The following HECTD4 variants were observed in gnomAD, a reference collection of about 807,000 sequenced individuals.
The protein encoded by HECTD4 is HECT domain E3 ubiquitin protein ligase 4.
A neutral mutation model predicts 471.5 loss-of-function variants in HECTD4; 114 were observed. That is an observed-to-expected ratio of 0.24 (90% confidence interval 0.21 to 0.28). HECTD4 has a LOEUF of 0.28. Ranked by LOEUF, HECTD4 falls within the 10% of genes least tolerant of loss-of-function variation. The pLI is 1.00. For missense variants in HECTD4, 3,866 were observed against 5,651.5 expected (o/e 0.68, Z 10.13); for synonymous variants, 2,012 against 2,256.0 (o/e 0.89, Z 3.07).
At chr12:112,268,712 C>T (rs960742728) in intron 13 of HECTD4, among the ~76,000 whole-genome samples, 1 of 150,556 alleles carries the variant, frequency 6.6e-6, no homozygotes, top group Non-Finnish European at 1.5e-5. Context: ...GCTGAGATCA[C>T]ACCACTGCAC....
intron 49 of HECTD4, among the ~76,000 whole-genome samples, chr12:112,212,016 T>C (rs538848002): frequency 4.3e-4 from 66 of 152,274 alleles, no homozygotes; most frequent in African/African-American, 1.5e-3. Flanking sequence ...TTCCAGAACA[T>C]TGGATATTAA....
intron 1 of HECTD4, among the ~76,000 whole-genome samples, chr12:112,320,816 G>A (rs925756670): frequency 1.3e-5 from 2 of 152,108 alleles, no homozygotes; most frequent in Admixed American, 6.5e-5. Flanking sequence ...AATAAATGAT[G>A]GATTATTCAC....
chr12:112,307,251 G>T (rs2035286812), intron 6 of HECTD4, among the ~76,000 whole-genome samples: 3 of 152,172 alleles, frequency 2.0e-5, no homozygotes, highest in Admixed American at 2.0e-4. Context: ...TTCCAGACCT[G>T]TTTTGTCTAG....
At chr12:112,261,224 T>C (rs558909427) in intron 18 of HECTD4, 81 bp downstream of exon 18, 2 of 1,393,266 alleles carry the variant, frequency 1.4e-6, no homozygotes, top group East Asian at 2.5e-5. Flanking sequence ...GATCCTTCTA[T>C]ATTCTAAAAA....
chr12:112,191,266 G>C (rs1046505595), intron 59 of HECTD4, among the ~76,000 whole-genome samples: 3 of 152,182 alleles, frequency 2.0e-5, no homozygotes, highest in Non-Finnish European at 4.4e-5. Flanking sequence ...CAACCAGAAT[G>C]GGGAAAGTAA....
At chr12:112,246,550 G>A (rs1272937831) in intron 29 of HECTD4, among the ~76,000 whole-genome samples, 1 of 152,136 alleles carries the variant, frequency 6.6e-6, no homozygotes, top group East Asian at 1.9e-4. Context: ...CAGAAGAATT[G>A]CTTGAACCTG....
At chr12:112,233,460 C>T (rs1285222586) in intron 37 of HECTD4, among the ~76,000 whole-genome samples, 1 of 151,918 alleles carries the variant, frequency 6.6e-6, no homozygotes. Context: ...TGGGCTCAAG[C>T]CATCCTCCTG....
At chr12:112,373,414 C>T (rs952982774) in intron 1 of HECTD4, among the ~76,000 whole-genome samples, 2 of 151,928 alleles carry the variant, frequency 1.3e-5, no homozygotes, top group African/African-American at 2.4e-5. Flanking sequence ...GGGAGTTACT[C>T]GGGAGGCTGA....
intron 38 of HECTD4, 112 bp downstream of exon 38, chr12:112,232,892 T>G (rs1321524733): frequency 2.2e-6 from 2 of 893,064 alleles, no homozygotes; most frequent in Non-Finnish European, 3.5e-6. Flanking sequence ...TCACCTTGCC[T>G]CTTCGTTGGA....
chr12:112,379,378 A>G (rs1167274053), intron 1 of HECTD4, among the ~76,000 whole-genome samples: 4 of 152,244 alleles, frequency 2.6e-5, no homozygotes, highest in African/African-American at 4.8e-5. Context: ...CATGTAGGAT[A>G]CATTTAATCA....
intron 1 of HECTD4, among the ~76,000 whole-genome samples, chr12:112,371,417 A>G (rs899467569): frequency 2.6e-4 from 39 of 152,142 alleles, no homozygotes; most frequent in African/African-American, 9.4e-4. Context: ...CTCTTCTAAA[A>G]ATACAAAGCT....
chr12:112,260,472 C>T (rs986417230), intron 18 of HECTD4, among the ~76,000 whole-genome samples: 2 of 152,086 alleles, frequency 1.3e-5, no homozygotes, highest in Admixed American at 6.6e-5. Flanking sequence ...GACAGGGTTA[C>T]GGAAGCAAAA....
At chr12:112,199,685 A>C (rs1593921751) in intron 55 of HECTD4, among the ~76,000 whole-genome samples, 1 of 152,220 alleles carries the variant, frequency 6.6e-6, no homozygotes, top group Non-Finnish European at 1.5e-5. Flanking sequence ...GTTTCAGCCC[A>C]CTGAGGGCAG....
intron 37 of HECTD4, among the ~76,000 whole-genome samples, chr12:112,234,419 A>T (rs1437022033): frequency 6.6e-6 from 1 of 152,192 alleles, no homozygotes; most frequent in Non-Finnish European, 1.5e-5. Flanking sequence ...AGGGGATTCA[A>T]TTATGAGGAT....
At position 112,216,363 on chromosome 12, in the gene HECTD4, C is replaced by T. The variant is rs375146905; in HGVS notation, c.7394G>A (p.Arg2465Gln). Reference protein sequence around the residue: ...VGTCLFHNNGRAVHYNGSSLL... With the variant: ...VGTCLFHNNGQAVHYNGSSLL... ...ACTGGAGCCATTATAGTGCACGGCT[C>T]GGCCGTTGCTATGAAAAATACAAAG... The change falls in exon 48 of 76, where the codon CGA becomes CAA. Residue 2465 changes from arginine (R) to glutamine (Q), a missense_variant. This residue lies in a region of HECTD4 where 617 missense variants were observed against 915.1 expected (regional missense o/e 0.67). Transcript: ENST00000682272. The T allele has an allele frequency of 1.9e-6, 3 of 1,550,882 alleles. No individual in the cohort carries two copies. The highest frequency in any genetic ancestry group is 1.4e-5 in the African/African-American group (1 of 73,030).
chr12:112,210,232 G>T lies in HECTD4; in HGVS notation c.7650C>A (p.Asn2550Lys). 6.2e-7 allele frequency: 1 copy of T among 1,613,926 alleles called. No homozygotes were observed. The highest frequency in any genetic ancestry group is 8.5e-7 in the Non-Finnish European group (1 of 1,179,778). Residue 2550 changes from asparagine (N) to lysine (K), a missense_variant, in exon 50 of 76, where the codon AAC becomes AAA. Asn to Lys is a moderately conservative substitution (Grantham distance 94). Coordinates refer to ENST00000682272, the MANE Select transcript of HECTD4 (RefSeq NM_001388303.1). ...IQKKNTKTRA[N>K]FGSRPFAYAE... Reference sequence around the variant, plus strand: ...CGTAGGCAAACGGCCGGGAGCCAAAGTTAGCTCGGGTTTTGGTGTTCTGGA... The same window carrying T: ...CGTAGGCAAACGGCCGGGAGCCAAATTTAGCTCGGGTTTTGGTGTTCTGGA...
intron 54 of HECTD4, 117 bp downstream of exon 54, chr12:112,203,519 C>T (rs1054544998): frequency 1.2e-6 from 1 of 854,126 alleles, no homozygotes; most frequent in Non-Finnish European, 1.7e-6. Context: ...GTGTCTTCGT[C>T]CCTGATTTGA....
intron 11 of HECTD4, among the ~76,000 whole-genome samples, chr12:112,273,148 G>A (rs931724910): frequency 3.3e-5 from 5 of 152,118 alleles, no homozygotes; most frequent in African/African-American, 7.2e-5. Flanking sequence ...GTTGCTTTAC[G>A]GGTAGGGGAC....
At chr12:112,259,085 T>G (rs2034087728) in intron 19 of HECTD4, 27 bp downstream of exon 19, 1 of 1,571,866 alleles carries the variant, frequency 6.4e-7, no homozygotes. Context: ...CAAAAAGCAG[T>G]TCACTTTGGC....
Sources: allele counts gnomAD v4.1 joint callset (sites outside exome capture counted in the v4.1 genomes callset), GRCh38; gene constraint gnomAD v4.1.1; regional missense constraint gnomAD v4.1.1; transcripts MANE v1.5; gene names NCBI Gene and HGNC (gene_info 2026-07-23, HGNC 2026-07-21).